TP73: variants seen among roughly 807,000 people sequenced by gnomAD.
TP73 encodes tumor protein p73, also known as p53-like transcription factor.
A neutral mutation model predicts 62.5 loss-of-function variants in TP73; 25 were observed. That is an observed-to-expected ratio of 0.40 (90% confidence interval 0.29 to 0.56). The LOEUF (loss-of-function observed/expected upper bound fraction) is 0.56, where lower values mean the gene tolerates loss of function less well. Ranked by LOEUF, TP73 falls within the 20% of genes least tolerant of loss-of-function variation. TP73 has a pLI of 0.46. For synonymous variants in TP73, 423 were observed against 377.5 expected (o/e 1.12, Z -1.40); for missense variants, 754 against 913.3 (o/e 0.83, Z 2.25).
chr1:3,732,306 G>A (rs1411607535), intron 13 of TP73, among the ~76,000 whole-genome samples: 2 of 152,182 alleles, frequency 1.3e-5, no homozygotes, highest in Non-Finnish European at 2.9e-5. Context: ...TCCACTAACC[G>A]CCCTCCCCGC....
Position 3,730,024 on chromosome 1 carries a change from C to A in TP73, c.1221C>A (p.Tyr407Ter). Residue 407 changes from tyrosine to a stop codon, truncating the protein, a stop_gained, in exon 11 of 14, where the codon TAC becomes TAA. Coordinates refer to ENST00000378295, the MANE Select transcript of TP73 (RefSeq NM_005427.4). LOFTEE classifies it high-confidence loss of function. ...QRPSHLQPPS[Y>*]GPVLSPMNKV... Reference sequence around the variant, plus strand: ...GGAGTCACCTACAGCCCCCGTCCTACGGGCCGGTCCTCTCGCCCATGAACA... The same window carrying A: ...GGAGTCACCTACAGCCCCCGTCCTAAGGGCCGGTCCTCTCGCCCATGAACA... The A allele has an allele frequency of 6.2e-7, 1 of 1,607,080 alleles. No individual in the cohort carries two copies. Among genetic ancestry groups the A allele is most frequent in the South Asian group, 1.1e-5 (1 of 90,556 alleles).
rs536820793 is a variant in TP73, at chr1:3,661,665, G to A, written c.-34+9024G>A. On this transcript the variant is annotated intron_variant, in intron 1 of 13. Coordinates refer to ENST00000378295, the MANE Select transcript of TP73 (RefSeq NM_005427.4). ...ATTCATGCCACAGTGAGCTGAGATC[G>A]CACCACTGTACTCCAGCCTGAGCAA... Among the ~76,000 whole-genome samples the A allele has an allele frequency of 6.7e-4, 101 of 150,302 alleles. 2 individuals are homozygous for A. The South Asian group carries it at 0.013, about 19-fold the overall frequency.
rs563815467 is a variant in TP73 at position 3,701,272 on chromosome 1, C to T, written c.187-6277C>T. ...CCCAGGGCTTAGCGACTGTCCTCTG[C>T]GTAGTGAATCTGGATTCCCGTCCCT... is the stretch of plus-strand genomic sequence containing the variant. On this transcript the variant is annotated intron_variant, in intron 3 of 13. Transcript: ENST00000378295. The surrounding 1 kb of genome is among the most constrained non-coding windows in gnomAD (Gnocchi z 4.7). 7.8e-4 allele frequency among the ~76,000 whole-genome samples: 118 copies of T among 152,202 alleles called. No homozygotes were observed. Among genetic ancestry groups the T allele is most frequent in the African/African-American group, 2.7e-3 (113 of 41,526 alleles).
intron 6 of TP73, among the ~76,000 whole-genome samples, chr1:3,725,438 G>C (rs1641428492): frequency 1.3e-5 from 2 of 148,924 alleles, no homozygotes; most frequent in Non-Finnish European, 3.0e-5. Context: ...TAGGTAGGTG[G>C]GTGGATGGAT....
chr1:3,677,983 T>C (rs1292337205), intron 1 of TP73, among the ~76,000 whole-genome samples: 3 of 152,154 alleles, frequency 2.0e-5, no homozygotes, highest in Admixed American at 2.0e-4. Context: ...GGGATTACAG[T>C]TATGAACCAC....
At chr1:3,687,808 G>C (rs1299620627) in intron 3 of TP73, among the ~76,000 whole-genome samples, 1 of 152,198 alleles carries the variant, frequency 6.6e-6, no homozygotes, top group African/African-American at 2.4e-5. Flanking sequence ...TTGTGGGCAG[G>C]TGGGCCACAG....
chr1:3,720,154 C>T (rs1043728809), intron 4 of TP73, among the ~76,000 whole-genome samples: 1 of 152,222 alleles, frequency 6.6e-6, no homozygotes, highest in Non-Finnish European at 1.5e-5. Context: ...CTCCTGACCT[C>T]AGCTGCCTGC....
chr1:3,697,975 C>A, intron 3 of TP73: 1 of 583,442 alleles, frequency 1.7e-6, no homozygotes. Flanking sequence ...GCCTCCCCCT[C>A]CCTGTACCCT....
intron 3 of TP73, among the ~76,000 whole-genome samples, chr1:3,685,132 C>A (rs916736377): frequency 3.3e-5 from 5 of 152,200 alleles, no homozygotes; most frequent in Non-Finnish European, 7.3e-5. Context: ...TCAGCCACTC[C>A]CCCTGCAGAG....
At chr1:3,693,743 TCAGCTCCTCCTC>T (rs1261411286) in intron 3 of TP73, among the ~76,000 whole-genome samples, 11 of 138,580 alleles carry the variant, frequency 7.9e-5, no homozygotes, top group African/African-American at 2.9e-4. Context: ...CCCTGCAGCC[TCAGCTCCTCCTC>T]CCACAATCCC....
chr1:3,681,567 C>T (rs751758050), intron 1 of TP73, among the ~76,000 whole-genome samples: 40 of 152,284 alleles, frequency 2.6e-4, no homozygotes, highest in Non-Finnish European at 4.9e-4. Flanking sequence ...AGGCAGTGGC[C>T]GGCTGCAGGA....
chr1:3,669,568 C>G (rs1645195399), intron 1 of TP73, among the ~76,000 whole-genome samples: 1 of 152,266 alleles, frequency 6.6e-6, no homozygotes, highest in Non-Finnish European at 1.5e-5. Flanking sequence ...GGGCCGCCAT[C>G]CTCAGCCTCA....
intron 1 of TP73, among the ~76,000 whole-genome samples, chr1:3,679,815 CTCT>C (rs1645474658): frequency 6.7e-6 from 1 of 149,398 alleles, no homozygotes; most frequent in African/African-American, 2.5e-5. Flanking sequence ...GTCTCTCTGT[CTCT>C]GTCTCTGTCT....
At position 3,722,221 on chromosome 1, in the gene TP73, GCTCCTCTGCCCACGGTGGCA is replaced by G. The variant is rs764144507; in HGVS notation, c.616+17_616+36del. ...ACTTCAACGAAGGTGAGGGCCCCCA[GCTCCTCTGCCCACGGTGGCA>G]CTTTGCCCAGCATCCCGGACAGCAC... On this transcript the variant is annotated intron_variant, in intron 5 of 13. Transcript: ENST00000378295. 3 of 1,612,166 alleles carry G rather than the reference GCTCCTCTGCCCACGGTGGCA, an allele frequency of 1.9e-6. No individual in the cohort carries two copies. The South Asian group carries it at 3.3e-5, about 18-fold the overall frequency.
At position 3,675,620 on chromosome 1, in the gene TP73, G is replaced by A. The variant is rs559874441; in HGVS notation, c.-33-6713G>A. 2.6e-5 allele frequency among the ~76,000 whole-genome samples: 4 copies of A among 152,240 alleles called. No individual in the cohort carries two copies. The South Asian group carries it at 6.2e-4, about 24-fold the overall frequency. On this transcript the variant is annotated intron_variant, in intron 1 of 13. Coordinates refer to ENST00000378295, the MANE Select transcript of TP73 (RefSeq NM_005427.4). ...TGTGTCTCCTGCCCAGGCTGAGTGC[G>A]GACGGCTCGGTCTCAGAGCTCCACC...
chr1:3,733,433 T>A lies in TP73; in HGVS notation c.*354T>A, dbSNP rs1228688107. 3 of 347,490 alleles carry A rather than the reference T, an allele frequency of 8.6e-6. No individual in the cohort carries two copies. The allele number at this position is 347,490 out of a possible 1,614,324, so 21.5% of individuals were successfully genotyped here. ...GACTTCCAGGCTTCATCCTAGAGAC[T>A]GTCATCTCCCAACCAGGCGAGGTCC... On this transcript the variant is annotated 3_prime_UTR_variant, in exon 14 of 14. Coordinates refer to ENST00000378295, the MANE Select transcript of TP73 (RefSeq NM_005427.4).
At chr1:3,679,734 GTC>G (rs1277195430) in intron 1 of TP73, among the ~76,000 whole-genome samples, 1 of 133,010 alleles carries the variant, frequency 7.5e-6, no homozygotes, top group Admixed American at 7.7e-5. Context: ...CTTTGTCCCT[GTC>G]TCTCTCTGCC....
intron 1 of TP73, among the ~76,000 whole-genome samples, chr1:3,673,696 C>T (rs753470221): frequency 1.8e-4 from 28 of 152,148 alleles, no homozygotes; most frequent in Non-Finnish European, 3.2e-4. Flanking sequence ...AATCATGTGT[C>T]TTGGTATGAC....
In TP73 at chr1:3,662,997, C is replaced by T. The variant is rs1296306818; in HGVS notation, c.-34+10356C>T. Among the ~76,000 whole-genome samples the T allele has an allele frequency of 5.9e-5, 9 of 152,236 alleles. 1 individual carries two copies. Among genetic ancestry groups the T allele is most frequent in the Admixed American group, 3.9e-4 (6 of 15,292 alleles). On this transcript the variant is annotated intron_variant, in intron 1 of 13. Coordinates refer to ENST00000378295, the MANE Select transcript of TP73 (RefSeq NM_005427.4). This position sits in a 1 kb window ranked among gnomAD's most constrained non-coding sequence, Gnocchi z 4.4. ...GGCACTGGCATGAGTAATCTGAGGG[C>T]GGCGCTTTCCTCACTGCAGTGGCAT...
Sources: allele counts gnomAD v4.1 joint callset (sites outside exome capture counted in the v4.1 genomes callset), GRCh38; gene constraint gnomAD v4.1.1; non-coding constraint Gnocchi (gnomAD v3.1); transcripts MANE v1.5; gene names NCBI Gene and HGNC (gene_info 2026-07-23, HGNC 2026-07-21).